Variants in TAF4 observed in about 807,000 individuals in gnomAD.
TAF4 encodes the protein transcription initiation factor TFIID subunit 4.
A neutral mutation model predicts 90.3 loss-of-function variants in TAF4; 9 were observed. The observed-to-expected ratio is 0.10, with a 90% CI of 0.06 to 0.17. The LOEUF is 0.17. Ranked by LOEUF, TAF4 falls within the 10% of genes least tolerant of loss-of-function variation. The pLI, the probability that TAF4 is intolerant of heterozygous loss-of-function variation, is 1.00. For synonymous variants in TAF4, 818 were observed against 638.9 expected (o/e 1.28, Z -4.23); for missense variants, 1,351 against 1,370.7 (o/e 0.99, Z 0.23).
chr20:62,061,496 T>C (rs1196973755), intron 1 of TAF4, among the ~76,000 whole-genome samples: 2 of 152,204 alleles, frequency 1.3e-5, no homozygotes, highest in South Asian at 2.1e-4. Context: ...GAAAGCACAA[T>C]AGACCAAGAT....
rs993714306 is a variant in TAF4, at chr20:62,009,945, C to T, written c.1761+101G>A. On this transcript the variant is annotated intron_variant, in intron 4 of 14. Transcript: ENST00000252996. ...ACTGCTTTGTGAAGCAAGCAGTGAG[C>T]GGTCTGGGACAGAAGCCGGCCTGAG... The T allele has an allele frequency of 4.6e-5, 71 of 1,551,894 alleles. No individual in the cohort carries two copies. The Middle Eastern group carries it at 5.1e-4, about 11-fold the overall frequency.
At chr20:61,991,576 G>A (rs1002248722) in intron 14 of TAF4, among the ~76,000 whole-genome samples, 1 of 152,020 alleles carries the variant, frequency 6.6e-6, no homozygotes, top group Non-Finnish European at 1.5e-5. Context: ...TCCAGCATGG[G>A]TGAGAGAGAC....
chr20:62,012,943 T>C lies in TAF4; in HGVS notation c.1522-9A>G. On this transcript the variant is annotated splice_polypyrimidine_tract_variant and intron_variant, in intron 2 of 14. Transcript: ENST00000252996. Reference sequence around the variant, plus strand: ...ATAGGTGTTCCAGGTGCCTGAAAAATAAGCAGAGTCACCTAAAACGAGCGC... The same window carrying C: ...ATAGGTGTTCCAGGTGCCTGAAAAACAAGCAGAGTCACCTAAAACGAGCGC... The C allele has an allele frequency of 6.2e-7, 1 of 1,611,520 alleles. No homozygotes were observed. The highest frequency in any genetic ancestry group is 8.5e-7 in the Non-Finnish European group (1 of 1,179,372).
chr20:62,001,213 C>G (rs1021291783), intron 9 of TAF4, among the ~76,000 whole-genome samples: 1 of 152,204 alleles, frequency 6.6e-6, no homozygotes, highest in Non-Finnish European at 1.5e-5. Flanking sequence ...CCTCCAGAAG[C>G]AGGATGCCAT....
intron 1 of TAF4, among the ~76,000 whole-genome samples, chr20:62,029,337 C>T (rs1438287039): frequency 1.3e-5 from 2 of 152,148 alleles, no homozygotes; most frequent in African/African-American, 4.8e-5. Context: ...ACATGCAACT[C>T]TGTGTGATAA....
In TAF4 at chr20:61,975,275, T is replaced by C. The variant is rs984494945; in HGVS notation, c.*893A>G. On this transcript the variant is annotated 3_prime_UTR_variant, in exon 15 of 15. Coordinates refer to ENST00000252996, the MANE Select transcript of TAF4 (RefSeq NM_003185.4). ...AGTTTACATAGCCATTTCTATGTCA[T>C]GTGCCAAAAGTTATGTACAATTACT... The C allele has an allele frequency of 1.3e-5, 2 of 152,464 alleles. No individual in the cohort carries two copies. The highest frequency in any genetic ancestry group is 2.9e-5 in the Non-Finnish European group (2 of 68,030). The allele number at this position is 152,464 out of a possible 1,614,324, so 9.4% of individuals were successfully genotyped here. A position where few individuals can be genotyped will look rare whatever the true frequency, so the allele number is the denominator to read the frequency against.
At chr20:62,050,851 G>C (rs1023662569) in intron 1 of TAF4, among the ~76,000 whole-genome samples, 1 of 151,856 alleles carries the variant, frequency 6.6e-6, no homozygotes, top group African/African-American at 2.4e-5. Flanking sequence ...CCCAGAACAA[G>C]GCATGCCCAG....
At position 62,065,259 on chromosome 20, in the gene TAF4, A is replaced by AGGGCCG. The variant is rs1306359476; in HGVS notation, c.546_551dup (p.Pro186_Gly187dup). The AGGGCCG allele has an allele frequency of 2.2e-5, 2 of 89,304 alleles. No homozygotes were observed. Among genetic ancestry groups the AGGGCCG allele is most frequent in the African/African-American group, 4.8e-4 (2 of 4,176 alleles). The allele number at this position is 89,304 out of a possible 1,614,324, so 5.5% of individuals were successfully genotyped here. Reference sequence around the variant, plus strand: ...CGGGGCCGGCGGGCTTGCCAGGGCCAGGGCCGGGGCCGGGGCCGGGGCCGG... The same window carrying AGGGCCG: ...CGGGGCCGGCGGGCTTGCCAGGGCCAGGGCCGGGGCCGGGGCCGGGGCCGGGGCCGG... On this transcript the variant is annotated inframe_insertion, in exon 1 of 15. Transcript: ENST00000252996.
At chr20:62,009,860 GC>G (rs2123143099) in intron 4 of TAF4, among the ~76,000 whole-genome samples, 185 bp downstream of exon 4, 1 of 152,310 alleles carries the variant, frequency 6.6e-6, no homozygotes, top group Admixed American at 6.5e-5. Context: ...GGCCCTCGGA[GC>G]CCACCTCACA....
At position 62,065,867 on chromosome 20, in the gene TAF4, G is replaced by T; in HGVS notation, c.-57C>A. ...CTCGGGCCGAGCGCGCCTGGGCGAG[G>T]AGGAGGTTCCGACTGGGGCGGGCGC... On this transcript the variant is annotated 5_prime_UTR_variant, in exon 1 of 15. Transcript: ENST00000252996. The T allele has an allele frequency of 8.5e-7, 1 of 1,173,616 alleles. No homozygotes were observed. Among genetic ancestry groups the T allele is most frequent in the South Asian group, 1.6e-5 (1 of 62,030 alleles). The allele number at this position is 1,173,616 out of a possible 1,614,324, so 72.7% of individuals were successfully genotyped here. A position where few individuals can be genotyped will look rare whatever the true frequency, so the allele number is the denominator to read the frequency against.
At chr20:62,034,827 C>CT (rs1555877004) in intron 1 of TAF4, among the ~76,000 whole-genome samples, 3,877 of 141,816 alleles carry the variant, frequency 0.027, 141 homozygotes, top group African/African-American at 0.072. Context: ...TCATAGATTT[C>CT]TTTTTTTTTT....
intron 14 of TAF4, among the ~76,000 whole-genome samples, chr20:61,990,739 A>T (rs927140477): frequency 5.9e-5 from 9 of 152,194 alleles, no homozygotes; most frequent in Admixed American, 5.9e-4. Flanking sequence ...AGTACTGAGC[A>T]GGACAGGGAC....
chr20:62,034,876 A>G (rs1374830344), intron 1 of TAF4, among the ~76,000 whole-genome samples: 1 of 149,404 alleles, frequency 6.7e-6, no homozygotes, highest in African/African-American at 2.5e-5. Flanking sequence ...GCTGGAGTAC[A>G]GTGGCGCAAT....
At chr20:62,041,176 G>A (rs749983983) in intron 1 of TAF4, among the ~76,000 whole-genome samples, 8 of 152,226 alleles carry the variant, frequency 5.3e-5, no homozygotes, top group East Asian at 1.9e-4. Context: ...GCTGTGGGCC[G>A]ACAGCAGAGG....
intron 1 of TAF4, 60 bp downstream of exon 1, chr20:62,064,391 G>A (rs1342217956): frequency 7.0e-6 from 9 of 1,277,086 alleles, no homozygotes; most frequent in Non-Finnish European, 8.9e-6. Flanking sequence ...GAACTTCCTG[G>A]AACTGGCAGC....
intron 1 of TAF4, among the ~76,000 whole-genome samples, chr20:62,062,664 C>A (rs2056095904): frequency 6.6e-6 from 1 of 152,282 alleles, no homozygotes; most frequent in South Asian, 2.1e-4. Flanking sequence ...CAAACACACC[C>A]GACCCTAAAA....
chr20:62,018,548 C>T (rs1203451721), intron 1 of TAF4, among the ~76,000 whole-genome samples: 3 of 151,902 alleles, frequency 2.0e-5, no homozygotes, highest in South Asian at 2.1e-4. Context: ...GCAGGGTACA[C>T]GTGGCAGGTG....
At chr20:62,004,000 AG>A in intron 7 of TAF4, 122 bp from the exon 8 acceptor site, 1 of 1,254,030 alleles carries the variant, frequency 8.0e-7, no homozygotes, top group Non-Finnish European at 1.1e-6. Context: ...AAGAAGTCCT[AG>A]GAAGACCCCG....
At position 61,974,845 on chromosome 20, in the gene TAF4, T is replaced by C. The variant is rs2055482966; in HGVS notation, c.*1323A>G. The stretch of plus-strand genomic sequence containing the variant: ...AAAGGAGTTAATTTTCTTTCAATCC[T>C]ATATAAAACAATAGCAATTAAAAAC... On this transcript the variant is annotated 3_prime_UTR_variant, in exon 15 of 15. Coordinates refer to ENST00000252996, the MANE Select transcript of TAF4 (RefSeq NM_003185.4). The surrounding 1 kb of genome is among the most constrained non-coding windows in gnomAD (Gnocchi z 4.1). 2 of 152,398 alleles carry C rather than the reference T, an allele frequency of 1.3e-5. No individual in the cohort carries two copies. Among genetic ancestry groups the C allele is most frequent in the Non-Finnish European group, 2.9e-5 (2 of 68,040 alleles). The allele number at this position is 152,398 out of a possible 1,614,324, so 9.4% of individuals were successfully genotyped here. A position where few individuals can be genotyped will look rare whatever the true frequency, so the allele number is the denominator to read the frequency against.
Sources: gnomAD v4.1 joint callset for allele counts (sites outside exome capture counted in the v4.1 genomes callset) on GRCh38, gnomAD v4.1.1 for gene constraint, Gnocchi (gnomAD v3.1) non-coding constraint, MANE v1.5 for transcripts, NCBI Gene and HGNC (gene_info 2026-07-23, HGNC 2026-07-21) for gene names.